PMPCB: variants seen among roughly 807,000 people sequenced by gnomAD.
PMPCB encodes the protein peptidase, mitochondrial processing subunit beta.
A neutral mutation model predicts 61.5 loss-of-function variants in PMPCB; 46 were observed. The ratio of observed to expected loss-of-function variants is 0.75; its 90% confidence interval spans 0.59 to 0.96. The LOEUF (loss-of-function observed/expected upper bound fraction) is 0.96, where lower values mean the gene tolerates loss of function less well. Ranked by LOEUF, PMPCB falls within the 40% of genes least tolerant of loss-of-function variation. The probability of loss-of-function intolerance (pLI) is 0.00; values close to 1 mark genes in which losing one functional copy is unlikely to be tolerated. For missense variants in PMPCB, 590 were observed against 602.4 expected (o/e 0.98, Z 0.22); for synonymous variants, 191 against 201.6 (o/e 0.95, Z 0.44).
At chr7:103,307,906 G>GT (rs144876979) in intron 7 of PMPCB, among the ~76,000 whole-genome samples, 198 bp downstream of exon 7, 1,832 of 152,126 alleles carry the variant, frequency 0.012, 37 homozygotes, top group African/African-American at 0.042. Flanking sequence ...AGGAAGCAAG[G>GT]TTTTTTTTGT....
the PMPCB span, among the ~76,000 whole-genome samples, chr7:103,334,746 G>T: frequency 6.6e-6 from 1 of 151,868 alleles, no homozygotes; most frequent in Admixed American, 6.6e-5. Flanking sequence ...ACCATGCTTG[G>T]CCTATAGAAA....
At chr7:103,346,824 G>GTGTGTA in the PMPCB span, among the ~76,000 whole-genome samples, 1,662 of 21,962 alleles carry the variant, frequency 0.076, 26 homozygotes, top group African/African-American at 0.1. Context: ...AATAATGTGT[G>GTGTGTA]TGTGTGTGTG....
downstream of PMPCB, among the ~76,000 whole-genome samples, chr7:103,331,021 C>T (rs564445702): frequency 3.0e-3 from 453 of 151,828 alleles, 1 homozygote; most frequent in Non-Finnish European, 4.8e-3. Context: ...TGCAATGGCA[C>T]AATCTTGGCT....
chr7:103,312,805 C>T lies in PMPCB; in HGVS notation c.*534C>T, dbSNP rs1018567003. ...AGAAAGTTTCTAAGGTTGCTCATTT[C>T]TTCCTCATAATATTGACCCCATAAC... is the stretch of plus-strand genomic sequence containing the variant. On this transcript the variant is annotated 3_prime_UTR_variant, in exon 13 of 13. Coordinates refer to ENST00000249269, the MANE Select transcript of PMPCB (RefSeq NM_004279.3). The T allele has an allele frequency of 5.3e-6, 8 of 1,512,582 alleles. No individual in the cohort carries two copies. In the Admixed American group the frequency reaches 9.4e-5, roughly 18 times the overall value. The allele number at this position is 1,512,582 out of a possible 1,614,324, so 93.7% of individuals were successfully genotyped here. A position where few individuals can be genotyped will look rare whatever the true frequency, so the allele number is the denominator to read the frequency against.
intron 12 of PMPCB, chr7:103,327,217 C>T: frequency 2.1e-6 from 1 of 480,660 alleles, no homozygotes; most frequent in Non-Finnish European, 3.5e-6. Flanking sequence ...ATATAATCAA[C>T]TTCTTGATTT....
intron 8 of PMPCB, among the ~76,000 whole-genome samples, chr7:103,309,619 A>C (rs1817682256): frequency 6.6e-6 from 1 of 152,244 alleles, no homozygotes; most frequent in Non-Finnish European, 1.5e-5. Context: ...ACCATATTAC[A>C]TGAGGGCTCT....
chr7:103,313,784 A>G lies in PMPCB; in HGVS notation c.*1513A>G. The G allele has an allele frequency of 1.0e-6, 1 of 984,638 alleles. No homozygotes were observed. The highest frequency in any genetic ancestry group is 1.2e-6 in the Non-Finnish European group (1 of 829,198). 61.0% of individuals were successfully genotyped at this position (984,638 alleles called of 1,614,324 possible). ...TCTAAGATGTGTGTCAGAAACAAAT[A>G]TGTTTCTTAAGGATGTTAAGTATTA... On this transcript the variant is annotated 3_prime_UTR_variant, in exon 13 of 13. Coordinates refer to ENST00000249269, the MANE Select transcript of PMPCB (RefSeq NM_004279.3).
At chr7:103,306,280 C>T (rs1434868695) in intron 6 of PMPCB, among the ~76,000 whole-genome samples, 2 of 151,574 alleles carry the variant, frequency 1.3e-5, no homozygotes, top group East Asian at 3.9e-4. Flanking sequence ...TAATTTGGGT[C>T]TCAAGTAAGG....
chr7:103,322,782 C>T lies in PMPCB; in HGVS notation c.*1432-6149C>T, dbSNP rs1474392023. 3 of 1,604,634 alleles carry T rather than the reference C, an allele frequency of 1.9e-6. No individual in the cohort carries two copies. In the South Asian group the frequency reaches 3.3e-5, roughly 18 times the overall value. ...CTCTGTTCTGCTTTTCAATCCATCT[C>T]CTCTCATCACGACTATAAAATAGAA... On this transcript the variant is annotated intron_variant and NMD_transcript_variant, in intron 12 of 12. Transcript: ENST00000444457.
At chr7:103,341,120 A>G in the PMPCB span, among the ~76,000 whole-genome samples, 1 of 152,210 alleles carries the variant, frequency 6.6e-6, no homozygotes, top group Non-Finnish European at 1.5e-5. Flanking sequence ...ACCCAGCCAC[A>G]TAGTAAGTTC....
chr7:103,346,858 G>A, the PMPCB span, among the ~76,000 whole-genome samples: 9 of 151,952 alleles, frequency 5.9e-5, no homozygotes, highest in Non-Finnish European at 8.8e-5. Flanking sequence ...GTGTGTGAGC[G>A]CGCATGCGTG....
chr7:103,344,609 G>C, the PMPCB span: 1 of 1,611,960 alleles, frequency 6.2e-7, no homozygotes. Flanking sequence ...CGCGGCGCTT[G>C]GCAGAAGCAG....
the PMPCB span, chr7:103,336,004 T>G: frequency 1.3e-5 from 2 of 152,122 alleles, no homozygotes; most frequent in African/African-American, 4.8e-5. Context: ...CCCGTCTCTA[T>G]GAAAAATACA....
Position 103,312,933 on chromosome 7 carries a change from C to A in PMPCB, c.*662C>A. ...TTTAAAATACAACAATCTATAAACG[C>A]TTAAGTCTGCAACCTTGTATCGTTT... On this transcript the variant is annotated 3_prime_UTR_variant, in exon 13 of 13. Transcript: ENST00000249269. 1 of 1,602,066 alleles carries A rather than the reference C, an allele frequency of 6.2e-7. No homozygotes were observed. The highest frequency in any genetic ancestry group is 8.5e-7 in the Non-Finnish European group (1 of 1,177,048).
chr7:103,298,821 TTTGCC>T, intron 2 of PMPCB, 113 bp downstream of exon 2: 1 of 1,003,184 alleles, frequency 1.0e-6, no homozygotes, highest in Non-Finnish European at 1.5e-6. Context: ...TGACAGTTAT[TTTGCC>T]TTGACAGATT....
At chr7:103,299,845 T>C (rs1454432009) in intron 3 of PMPCB, among the ~76,000 whole-genome samples, 2 of 152,208 alleles carry the variant, frequency 1.3e-5, no homozygotes, top group African/African-American at 4.8e-5. Flanking sequence ...ATCTGCTTAC[T>C]GCAACCTCCG....
intron 1 of PMPCB, chr7:103,297,822 C>G (rs1214150410): frequency 6.6e-7 from 1 of 1,517,820 alleles, no homozygotes; most frequent in Admixed American, 2.0e-5. Flanking sequence ...GCATGTTTGA[C>G]CACTAAAAAC....
chr7:103,312,054 A>C lies in PMPCB; in HGVS notation c.1330-2A>C. 1 of 1,612,810 alleles carries C rather than the reference A, an allele frequency of 6.2e-7. No individual in the cohort carries two copies. The highest frequency in any genetic ancestry group is 8.5e-7 in the Non-Finnish European group (1 of 1,179,290). On this transcript the variant is annotated splice_acceptor_variant, in intron 11 of 12. Transcript: ENST00000249269. LOFTEE classifies it high-confidence loss of function. The stretch of plus-strand genomic sequence containing the variant: ...TGAATGACAGTGTCTTCCATATTTC[A>C]GGCTGTGAATGCTGAGACAATTCGA...
chr7:103,344,124 A>C, the PMPCB span: 1 of 170,640 alleles, frequency 5.9e-6, no homozygotes, highest in Non-Finnish European at 1.2e-5. Context: ...CATTTAAAAA[A>C]CAAGGCCGGA....
Sources: gnomAD v4.1 joint callset for allele counts (sites outside exome capture counted in the v4.1 genomes callset) on GRCh38, gnomAD v4.1.1 for gene constraint, MANE v1.5 for transcripts, NCBI Gene and HGNC (gene_info 2026-07-23, HGNC 2026-07-21) for gene names.